Variants in GUK1 observed in about 807,000 individuals in gnomAD.
The protein encoded by GUK1 is guanylate kinase 1, also known as guanylate kinase.
Under a neutral mutation model 25.2 loss-of-function variants are expected in GUK1, and 18 were observed. That is an observed-to-expected ratio of 0.71 (90% confidence interval 0.49 to 1.06). GUK1 has a LOEUF of 1.06. Among genes scored for constraint, GUK1 ranks in the 50% least tolerant of loss-of-function variants. GUK1 has a pLI of 0.00. For missense variants in GUK1, 261 were observed against 276.7 expected, an observed-to-expected ratio of 0.94 and a Z score of 0.40; for synonymous variants, 105 against 117.6, an observed-to-expected ratio of 0.89 and a Z score of 0.69.
chr1:228,145,365 C>A, intron 2 of GUK1, 146 bp from the exon 2 acceptor site: 1 of 808,786 alleles, frequency 1.2e-6, no homozygotes, highest in Non-Finnish European at 1.8e-6. Context: ...GGGGGAAGAA[C>A]ACCCAGGCTC....
chr1:228,141,874 T>C (rs975699646), intron 2 of GUK1: 1 of 967,482 alleles, frequency 1.0e-6, no homozygotes, highest in African/African-American at 1.8e-5. Context: ...AGGCAGCTGA[T>C]TGGAGTTTGC....
intron 5 of GUK1, 164 bp downstream of exon 4, chr1:228,147,102 G>A: frequency 1.5e-6 from 1 of 656,140 alleles, no homozygotes; most frequent in South Asian, 1.7e-5. Context: ...GCCCACAGTG[G>A]CTCTTTTCAT....
intron 4 of GUK1, chr1:228,146,625 A>G: frequency 3.5e-6 from 2 of 576,150 alleles, no homozygotes; most frequent in Non-Finnish European, 3.1e-6. Flanking sequence ...GCAGTCTCGT[A>G]TCTCCATCAG....
At chr1:228,145,426 C>A in intron 2 of GUK1, 85 bp from the exon 2 acceptor site, 1 of 1,365,070 alleles carries the variant, frequency 7.3e-7, no homozygotes, top group Non-Finnish European at 9.8e-7. Context: ...CCCTTTCCTG[C>A]CATGAATTCA....
At chr1:228,140,254 C>T (rs1237475841), upstream of GUK1, 1 of 1,473,842 alleles carries the variant, frequency 6.8e-7, no homozygotes, top group Non-Finnish European at 9.1e-7. Context: ...GGAGGTGGGC[C>T]GGTGCGGCGC....
intron 2 of GUK1, among the ~76,000 whole-genome samples, chr1:228,143,219 C>T (rs990099227): frequency 3.9e-5 from 6 of 152,064 alleles, no homozygotes; most frequent in Non-Finnish European, 1.5e-5. Context: ...GCAGGACCGG[C>T]CTTGGGGCAG....
At chr1:228,141,755 G>A in intron 2 of GUK1, 1 of 1,322,842 alleles carries the variant, frequency 7.6e-7, no homozygotes, top group Non-Finnish European at 1.0e-6. Flanking sequence ...GACCATTCCG[G>A]AACATGGATC....
rs74140999 is a variant in GUK1 at position 228,146,891 on chromosome 1, C to G, written c.204C>G (p.Gly68=). The G allele has an allele frequency of 3.1e-6, 5 of 1,613,694 alleles. No homozygotes were observed. The South Asian group carries it at 5.5e-5, about 18-fold the overall frequency. The change falls in exon 5 of 9, where the codon GGC becomes GGG. Residue 68 remains glycine (G), a synonymous_variant. Transcript: ENST00000312726. ...TGATGCAGCGTGACATAGCAGCCGG[C>G]GACTTCATCGAGCATGCCGAGTTCT... is the stretch of plus-strand genomic sequence containing the variant.
In GUK1 at chr1:228,148,446, C is replaced by T. The variant is rs202143318; in HGVS notation, c.551C>T (p.Ala184Val). The change falls in exon 8 of 9, where the codon GCG becomes GTG. Residue 184 changes from alanine to valine, a missense_variant. Physicochemically the swap from Ala to Val is moderately conservative, Grantham distance 64. Transcript: ENST00000312726. ...CAGGCCTACGCAGAGCTGAAGGAGG[C>T]GCTCTCTGAGGTGGGCCCATCCTTG... 93 of 1,571,054 alleles carry T rather than the reference C, an allele frequency of 5.9e-5. No individual in the cohort carries two copies. In the Admixed American group the frequency reaches 1.2e-3, roughly 21 times the overall value.
Position 228,147,404 on chromosome 1 carries a change from A to C in GUK1, c.252-2A>C. On this transcript the variant is annotated splice_acceptor_variant, in intron 5 of 8. Coordinates refer to ENST00000312726, the MANE Select transcript of GUK1 (RefSeq NM_000858.7). LOFTEE classifies it high-confidence loss of function. ...CCCTGCTGACCTGGCACCTCTCCCC[A>C]GCAAGGTGGCGGTGCAGGCCGTGCA... 6.2e-7 allele frequency: 1 copy of C among 1,609,342 alleles called. No individual in the cohort carries two copies. The highest frequency in any genetic ancestry group is 8.5e-7 in the Non-Finnish European group (1 of 1,178,498).
At chr1:228,145,311 G>T in intron 2 of GUK1, 200 bp from the exon 2 acceptor site, 1 of 492,062 alleles carries the variant, frequency 2.0e-6, no homozygotes, top group Non-Finnish European at 3.6e-6. Context: ...CCTGGTCTGA[G>T]GGCCGCCCTG....
chr1:228,142,965 C>T (rs1004986988), intron 2 of GUK1, among the ~76,000 whole-genome samples: 5 of 152,046 alleles, frequency 3.3e-5, no homozygotes, highest in African/African-American at 2.4e-5. Flanking sequence ...GTAGGCACAG[C>T]TGTGCAGACG....
rs2034348469 is a variant in GUK1, at chr1:228,145,998, C to T, written c.113-28C>T. The stretch of plus-strand genomic sequence containing the variant: ...GTGGGGCATTGGGCTCCGAGCAGCC[C>T]CCGATGGGTGACAGGTCTCTCTGCT... On this transcript the variant is annotated intron_variant, in intron 3 of 8. Transcript: ENST00000312726. The T allele has an allele frequency of 4.4e-6, 7 of 1,588,972 alleles. No individual in the cohort carries two copies. The Admixed American group carries it at 8.4e-5, about 19-fold the overall frequency.
chr1:228,147,378 C>G, intron 5 of GUK1, 28 bp from the exon 5 acceptor site: 1 of 1,600,022 alleles, frequency 6.2e-7, no homozygotes, highest in African/African-American at 1.3e-5. Context: ...AGCCCTGGCA[C>G]CCCTGCTGAC....
chr1:228,147,431 G>A lies in GUK1; in HGVS notation c.277G>A (p.Ala93Thr). The A allele has an allele frequency of 1.2e-6, 2 of 1,612,490 alleles. No individual in the cohort carries two copies. The highest frequency in any genetic ancestry group is 1.7e-6 in the Non-Finnish European group (2 of 1,179,916). The change falls in exon 6 of 9, where the codon GCC (alanine) becomes ACC (threonine). Residue 93 changes from alanine (A) to threonine (T), a missense_variant. Ala to Thr is a moderately conservative substitution (Grantham distance 58, BLOSUM62 0). Coordinates refer to ENST00000312726, the MANE Select transcript of GUK1 (RefSeq NM_000858.7). ...CAAGGTGGCGGTGCAGGCCGTGCAG[G>A]CCATGAACCGCATCTGTGTGCTGGA...
At chr1:228,147,298 T>C (rs2034434586) in intron 5 of GUK1, 108 bp from the exon 5 acceptor site, 1 of 1,080,958 alleles carries the variant, frequency 9.3e-7, no homozygotes. Flanking sequence ...AGGCCTAGGC[T>C]CAGCTGTGGG....
intron 5 of GUK1, 65 bp from the exon 5 acceptor site, chr1:228,147,341 T>C: frequency 6.7e-7 from 1 of 1,498,688 alleles, no homozygotes; most frequent in Non-Finnish European, 9.1e-7. Context: ...GGCCTGGGTG[T>C]CCCTGAAGCT....
chr1:228,141,842 G>T, intron 2 of GUK1: 1 of 1,145,948 alleles, frequency 8.7e-7, no homozygotes, highest in South Asian at 1.7e-5. Flanking sequence ...CCTTACAGTT[G>T]TGGGTTGTGT....
In GUK1 at chr1:228,148,405, T is replaced by C. The variant is rs1188229919; in HGVS notation, c.510T>C (p.Ile170=). Reference sequence around the variant, plus strand: ...CCGGCCTGTTTGATGTGGTCATCATTAACGACAGCCTGGACCAGGCCTACG... The same window carrying C: ...CCGGCCTGTTTGATGTGGTCATCATCAACGACAGCCTGGACCAGGCCTACG... Residue 170 remains isoleucine, a synonymous_variant, in exon 8 of 9, where the codon ATT becomes ATC. Transcript: ENST00000312726. 2 of 1,558,604 alleles carry C rather than the reference T, an allele frequency of 1.3e-6. No individual in the cohort carries two copies. The highest frequency in any genetic ancestry group is 4.5e-5 in the East Asian group (2 of 43,986).
Sources: allele counts gnomAD v4.1 joint callset (sites outside exome capture counted in the v4.1 genomes callset), GRCh38; gene constraint gnomAD v4.1.1; transcripts MANE v1.5; gene names NCBI Gene and HGNC (gene_info 2026-07-23, HGNC 2026-07-21).